The following CACNA2D4 variants were observed in gnomAD, a reference collection of about 807,000 sequenced individuals.
The protein encoded by CACNA2D4 is voltage-dependent calcium channel subunit alpha-2/delta-4.
Under a neutral mutation model 163.8 loss-of-function variants are expected in CACNA2D4, and 157 were observed. The ratio of observed to expected loss-of-function variants is 0.96; its 90% CI spans 0.84 to 1.09. CACNA2D4 has a LOEUF of 1.09. CACNA2D4 is among the 50% of genes least tolerant of loss of function. The pLI is 0.00. For synonymous variants in CACNA2D4, 598 were observed against 586.9 expected (o/e 1.02, Z -0.27); for missense variants, 1,410 against 1,479.9 (o/e 0.95, Z 0.78).
intron 26 of CACNA2D4, chr12:1,831,577 G>A: frequency 6.9e-7 from 1 of 1,454,488 alleles, no homozygotes; most frequent in Non-Finnish European, 9.5e-7. Flanking sequence ...GATCACCTCT[G>A]GCCCCACACT....
In CACNA2D4 at chr12:1,918,408, G is replaced by T; in HGVS notation, c.66C>A (p.Pro22=). ...TGGAGCTGGGGTTTGCGAGGAAGTT[G>T]GGAGTTGCAGGCATGGTGGGCCTGG... ...PNPRPTMPAT[P]NFLANPSSSS... The change falls in exon 1 of 38, where the codon CCC becomes CCA. Residue 22 remains proline (P), a synonymous_variant. Transcript: ENST00000382722. 6.3e-7 allele frequency: 1 copy of T among 1,597,546 alleles called. No individual in the cohort carries two copies. Among genetic ancestry groups the T allele is most frequent in the East Asian group, 2.3e-5 (1 of 44,060 alleles).
At chr12:1,800,895 G>C (rs1863296855) in intron 31 of CACNA2D4, 148 bp downstream of exon 31, 2 of 695,192 alleles carry the variant, frequency 2.9e-6, no homozygotes, top group Admixed American at 4.7e-5. Flanking sequence ...GAGAGCAGTG[G>C]CTCTGAGCAG....
chr12:1,806,798 C>G lies in CACNA2D4; in HGVS notation c.2721+3480G>C, dbSNP rs1032752942. Among the ~76,000 whole-genome samples, 2 of 152,164 alleles carry G rather than the reference C, an allele frequency of 1.3e-5. No homozygotes were observed. The highest frequency in any genetic ancestry group is 2.9e-5 in the Non-Finnish European group (2 of 68,042). On this transcript the variant is annotated intron_variant, in intron 29 of 37. Coordinates refer to ENST00000382722, the MANE Select transcript of CACNA2D4 (RefSeq NM_172364.5). The surrounding 1 kb of genome is among the most constrained non-coding windows in gnomAD (Gnocchi z 4.1). ...GTGGGACCCTGGCAAATCTGCATCTCTAACAAGCTCCCAGATGCTGGGGCT... is the reference window on the plus strand; with the variant it reads ...GTGGGACCCTGGCAAATCTGCATCTGTAACAAGCTCCCAGATGCTGGGGCT...
chr12:1,836,454 T>A (rs1592699595), intron 26 of CACNA2D4: 1 of 152,088 alleles, frequency 6.6e-6, no homozygotes, highest in Non-Finnish European at 1.5e-5. Flanking sequence ...AGTGGGTGGG[T>A]GAGGTGGGCT....
chr12:1,800,663 T>A (rs1863285289), intron 31 of CACNA2D4: 1 of 599,646 alleles, frequency 1.7e-6, no homozygotes, highest in Non-Finnish European at 3.0e-6. Flanking sequence ...AGGTCAGACA[T>A]CTCGGGTGGG....
chr12:1,914,481 G>A (rs1397951649), intron 2 of CACNA2D4, among the ~76,000 whole-genome samples: 2 of 152,114 alleles, frequency 1.3e-5, no homozygotes, highest in African/African-American at 4.8e-5. Flanking sequence ...GCAGCTTCCA[G>A]GGCCCTGCAC....
In CACNA2D4 at chr12:1,811,850, T is replaced by G. The variant is rs1863723728; in HGVS notation, c.2552-127A>C. The G allele has an allele frequency of 1.4e-5, 12 of 877,648 alleles. No individual in the cohort carries two copies. The East Asian group carries it at 2.5e-4, about 18-fold the overall frequency. 54.4% of individuals were successfully genotyped at this position (877,648 alleles called of 1,614,324 possible). A position where few individuals can be genotyped will look rare whatever the true frequency, so the allele number is the denominator to read the frequency against. On this transcript the variant is annotated intron_variant, in intron 26 of 37. Coordinates refer to ENST00000382722, the MANE Select transcript of CACNA2D4 (RefSeq NM_172364.5). ...GAGAGACCGCAGCGGATGGGAGGAC[T>G]GAGTCAGAGGGCAGAGTGCAAACTG... is the stretch of plus-strand genomic sequence containing the variant.
At position 1,860,218 on chromosome 12, in the gene CACNA2D4, G is replaced by A. The variant is rs763837805; in HGVS notation, c.1879-12C>T. ...AAAAGAACTCGCTTCTGAAAGAGTA[G>A]ACAAGGAAAGAGTGCTCACGCAGAG... On this transcript the variant is annotated splice_polypyrimidine_tract_variant and intron_variant, in intron 18 of 37. Coordinates refer to ENST00000382722, the MANE Select transcript of CACNA2D4 (RefSeq NM_172364.5). 2 of 1,611,362 alleles carry A rather than the reference G, an allele frequency of 1.2e-6. No homozygotes were observed. The highest frequency in any genetic ancestry group is 2.2e-5 in the South Asian group (2 of 90,892).
chr12:1,875,526 A>G lies in CACNA2D4; in HGVS notation c.1720-189T>C, dbSNP rs927072893. Among the ~76,000 whole-genome samples the G allele has an allele frequency of 6.6e-6, 1 of 152,202 alleles. No individual in the cohort carries two copies. The highest frequency in any genetic ancestry group is 2.4e-5 in the African/African-American group (1 of 41,452). On this transcript the variant is annotated intron_variant, in intron 16 of 37. Coordinates refer to ENST00000382722, the MANE Select transcript of CACNA2D4 (RefSeq NM_172364.5). This position sits in a 1 kb window ranked among gnomAD's most constrained non-coding sequence, Gnocchi z 4.0. ...TACAGAGCTCCCCTTACTGACATCT[A>G]TGACAGATGGTCTCACGGCCTCTGA...
chr12:1,844,388 G>A lies in CACNA2D4; in HGVS notation c.2470+14C>T, dbSNP rs536736418. The A allele has an allele frequency of 5.8e-5, 94 of 1,612,566 alleles. No individual in the cohort carries two copies. Among genetic ancestry groups the A allele is most frequent in the Middle Eastern group, 1.7e-4 (1 of 5,860 alleles). ...AGACTGGCCCAGCCCCGGGAGCACC[G>A]GGCTGTGTGTTACCTGGTCCTTCTG... On this transcript the variant is annotated intron_variant, in intron 25 of 37. Transcript: ENST00000382722. This position sits in a 1 kb window ranked among gnomAD's most constrained non-coding sequence, Gnocchi z 4.2.
chr12:1,887,061 A>C lies in CACNA2D4; in HGVS notation c.790T>G (p.Trp264Gly). 13 of 1,587,056 alleles carry C rather than the reference A, an allele frequency of 8.2e-6. No homozygotes were observed. The highest frequency in any genetic ancestry group is 1.1e-5 in the Non-Finnish European group (13 of 1,163,876). ...ATGACTCCATTCTCATCAGGTGTCCATTTTATACCTGGGAGAATAAAGACT... is the reference window on the plus strand; with the variant it reads ...ATGACTCCATTCTCATCAGGTGTCCCTTTTATACCTGGGAGAATAAAGACT... ...GFFRIYPGIK[W>G]TPDENGVITF... Residue 264 changes from tryptophan to glycine, a missense_variant, in exon 7 of 38, where the codon TGG (tryptophan) becomes GGG (glycine). Physicochemically the swap from Trp to Gly is radical, Grantham distance 184. Transcript: ENST00000382722.
intron 25 of CACNA2D4, among the ~76,000 whole-genome samples, chr12:1,841,076 T>C (rs968249405): frequency 2.0e-5 from 3 of 152,216 alleles, no homozygotes; most frequent in Admixed American, 6.5e-5. Flanking sequence ...CCCACGACAC[T>C]GGGGTTTCTG....
Position 1,844,799 on chromosome 12 carries a change from G to A in CACNA2D4, c.2343-270C>T, listed in dbSNP as rs1389511158. Among the ~76,000 whole-genome samples the A allele has an allele frequency of 6.6e-6, 1 of 152,150 alleles. No individual in the cohort carries two copies. On this transcript the variant is annotated intron_variant, in intron 24 of 37. Transcript: ENST00000382722. The surrounding 1 kb of genome is among the most constrained non-coding windows in gnomAD (Gnocchi z 4.2). ...TTTATGTAAACTCTTTTGCCTGCAG[G>A]GATTCTTTCTTTTGGATAGAGCCCA... is the stretch of plus-strand genomic sequence containing the variant.
chr12:1,809,745 G>A (rs1355580658), intron 29 of CACNA2D4, among the ~76,000 whole-genome samples: 3 of 152,240 alleles, frequency 2.0e-5, no homozygotes, highest in African/African-American at 7.2e-5. Context: ...AAAGCATCGC[G>A]TCCATCCCCC....
intron 6 of CACNA2D4, among the ~76,000 whole-genome samples, chr12:1,893,308 G>C (rs552782861): frequency 4.2e-4 from 64 of 152,214 alleles, no homozygotes; most frequent in Non-Finnish European, 8.5e-4. Flanking sequence ...ACGAGGTCAG[G>C]AGTTGAAGAT....
chr12:1,826,604 G>A (rs949040577), intron 26 of CACNA2D4, among the ~76,000 whole-genome samples: 3 of 152,210 alleles, frequency 2.0e-5, no homozygotes, highest in Admixed American at 2.0e-4. Flanking sequence ...CTCTGCCAAC[G>A]CCTGCGGGGC....
chr12:1,915,214 A>C (rs1482435015), intron 1 of CACNA2D4: 1 of 702,598 alleles, frequency 1.4e-6, no homozygotes, highest in East Asian at 2.7e-5. Context: ...CCTTGTCCCT[A>C]AAGCTACAGC....
Position 1,809,627 on chromosome 12 carries a change from T to C in CACNA2D4, c.2721+651A>G, listed in dbSNP as rs1863641679. ...AGCCCAGCAAGTATAAAAATATTATTGTACTTTCTCTTTTTCCTTTCTGAG... is the reference window on the plus strand; with the variant it reads ...AGCCCAGCAAGTATAAAAATATTATCGTACTTTCTCTTTTTCCTTTCTGAG... On this transcript the variant is annotated intron_variant, in intron 29 of 37. Transcript: ENST00000382722. 4.3e-6 allele frequency: 3 copies of C among 693,148 alleles called. No individual in the cohort carries two copies. The Admixed American group carries it at 6.3e-5, about 15-fold the overall frequency. 42.9% of individuals were successfully genotyped at this position (693,148 alleles called of 1,614,324 possible).
rs766797734 is a variant in CACNA2D4, at chr12:1,883,424, G to A, written c.1352-424C>T. On this transcript the variant is annotated intron_variant, in intron 12 of 37. Coordinates refer to ENST00000382722, the MANE Select transcript of CACNA2D4 (RefSeq NM_172364.5). This position sits in a 1 kb window ranked among gnomAD's most constrained non-coding sequence, Gnocchi z 4.5. Reference sequence around the variant, plus strand: ...CAGAGGCAGAGATTTCTGCCTCTCCGCTCCTCCTTCCTCTGGTCCTTGTTC... The same window carrying A: ...CAGAGGCAGAGATTTCTGCCTCTCCACTCCTCCTTCCTCTGGTCCTTGTTC... 6.6e-4 allele frequency among the ~76,000 whole-genome samples: 101 copies of A among 152,248 alleles called. 1 individual carries two copies. The highest frequency in any genetic ancestry group is 1.0e-3 in the Non-Finnish European group (69 of 68,026).
Sources: allele counts gnomAD v4.1 joint callset (sites outside exome capture counted in the v4.1 genomes callset), GRCh38; gene constraint gnomAD v4.1.1; non-coding constraint Gnocchi (gnomAD v3.1); transcripts MANE v1.5; gene names NCBI Gene and HGNC (gene_info 2026-07-23, HGNC 2026-07-21).